The following FSTL4 variants were observed in gnomAD, a reference collection of about 807,000 sequenced individuals.
FSTL4 encodes follistatin-related protein 4.
A neutral mutation model predicts 78.2 loss-of-function variants in FSTL4; 28 were observed. The observed-to-expected ratio is 0.36, with a 90% CI of 0.27 to 0.49. The LOEUF is 0.49. Ranked by LOEUF, FSTL4 falls within the 20% of genes least tolerant of loss-of-function variation. FSTL4 has a pLI of 0.98. For synonymous variants in FSTL4, 422 were observed against 440.5 expected (o/e 0.96, Z 0.53); for missense variants, 922 against 1,084.9 (o/e 0.85, Z 2.11).
chr5:133,313,236 T>C (rs568423525), intron 5 of FSTL4, among the ~76,000 whole-genome samples: 7 of 152,306 alleles, frequency 4.6e-5, no homozygotes, highest in South Asian at 2.1e-4. Flanking sequence ...TGCTGCATCA[T>C]GCACCCACCC....
At chr5:133,460,978 A>G (rs1757580665) in intron 3 of FSTL4, among the ~76,000 whole-genome samples, 1 of 152,362 alleles carries the variant, frequency 6.6e-6, no homozygotes, top group East Asian at 1.9e-4. Flanking sequence ...AATTGTATGT[A>G]TAAAGTAGTT....
chr5:133,457,395 C>T (rs921711520), intron 3 of FSTL4, among the ~76,000 whole-genome samples: 1 of 152,230 alleles, frequency 6.6e-6, no homozygotes, highest in African/African-American at 2.4e-5. Flanking sequence ...CCTTCTGGAG[C>T]ACACAGGTGG....
intron 6 of FSTL4, among the ~76,000 whole-genome samples, chr5:133,310,371 T>G (rs1753751445): frequency 6.6e-6 from 1 of 152,274 alleles, no homozygotes; most frequent in Admixed American, 6.5e-5. Context: ...CACATTGCTC[T>G]GTATGAGACA....
chr5:133,289,559 T>A (rs1304823245), intron 6 of FSTL4, among the ~76,000 whole-genome samples: 2 of 152,216 alleles, frequency 1.3e-5, no homozygotes, highest in African/African-American at 2.4e-5. Context: ...AATGACTGCA[T>A]GTGTCTCCCT....
chr5:133,599,647 G>A (rs915700902), intron 2 of FSTL4, among the ~76,000 whole-genome samples: 6 of 152,148 alleles, frequency 3.9e-5, no homozygotes, highest in African/African-American at 1.4e-4. Flanking sequence ...CATGAAAGAC[G>A]TATAAGACCA....
At chr5:133,622,955 G>T in the FSTL4 span, among the ~76,000 whole-genome samples, 1 of 152,022 alleles carries the variant, frequency 6.6e-6, no homozygotes, top group African/African-American at 2.4e-5. Context: ...TGCTTTTGGT[G>T]TCAAGTCTAA....
the FSTL4 span, among the ~76,000 whole-genome samples, chr5:133,722,994 G>A: frequency 6.6e-6 from 1 of 152,188 alleles, no homozygotes; most frequent in African/African-American, 2.4e-5. Flanking sequence ...CCCACGGTTA[G>A]GAGTCATAAA....
intron 7 of FSTL4, among the ~76,000 whole-genome samples, chr5:133,240,382 A>G (rs1751813792): frequency 6.6e-6 from 1 of 152,252 alleles, no homozygotes. Context: ...AGTCTCTGCA[A>G]CTTGGAGCAA....
rs542788191 is a variant in FSTL4, at chr5:133,365,177, CTGT to C, written c.409+35558_409+35560del. ...CTTTTACGAGGAGTTTGAGTTTTGA[CTGT>C]TGTTGCTTGCAGTCAAAACTCAAAA... is the stretch of plus-strand genomic sequence containing the variant. On this transcript the variant is annotated intron_variant, in intron 4 of 15. Coordinates refer to ENST00000265342, the MANE Select transcript of FSTL4 (RefSeq NM_015082.2). Among the ~76,000 whole-genome samples the C allele has an allele frequency of 6.6e-4, 101 of 152,016 alleles. 2 individuals carry two copies. The South Asian group carries it at 0.012, about 18-fold the overall frequency.
intron 4 of FSTL4, among the ~76,000 whole-genome samples, chr5:133,319,800 A>C (rs952287706): frequency 2.0e-5 from 3 of 152,194 alleles, no homozygotes; most frequent in African/African-American, 7.2e-5. Flanking sequence ...CAGAATCTTA[A>C]ATCCTTCTTT....
rs1486382944 is a variant in FSTL4, at chr5:133,201,988, C to T, written c.1771G>A (p.Ala591Thr). ...GGAATGAAGAAATCATCCACTCCTG[C>T]AAAGGGTGTGCGGATGAGGTGCTGG... is the stretch of plus-strand genomic sequence containing the variant. ...QSQHLIRTPFAGVDDFFIPPT... is the reference protein window; with the variant it reads ...QSQHLIRTPFTGVDDFFIPPT... Residue 591 changes from alanine (A) to threonine (T), a missense_variant, in exon 15 of 16, where the codon GCA (alanine) becomes ACA (threonine). Coordinates refer to ENST00000265342, the MANE Select transcript of FSTL4 (RefSeq NM_015082.2). The T allele has an allele frequency of 6.2e-7, 1 of 1,612,390 alleles. No homozygotes were observed. The highest frequency in any genetic ancestry group is 8.5e-7 in the Non-Finnish European group (1 of 1,179,018).
At position 133,370,895 on chromosome 5, in the gene FSTL4, C is replaced by T. The variant is rs556319949; in HGVS notation, c.409+29843G>A. On this transcript the variant is annotated intron_variant, in intron 4 of 15. Transcript: ENST00000265342. ...ACAGGGAAAGGCAGGTTGGGGTCAT[C>T]GAGTGGGTGCTGGGGTGCTGAGTCA... Among the ~76,000 whole-genome samples, 4 of 152,258 alleles carry T rather than the reference C, an allele frequency of 2.6e-5. No homozygotes were observed. The South Asian group carries it at 8.3e-4, about 32-fold the overall frequency.
the FSTL4 span, among the ~76,000 whole-genome samples, chr5:133,741,458 A>G: frequency 6.6e-6 from 1 of 152,210 alleles, no homozygotes; most frequent in Admixed American, 6.5e-5. Flanking sequence ...CTCCCCATGC[A>G]AGAGTGCAGG....
the FSTL4 span, among the ~76,000 whole-genome samples, chr5:133,735,786 G>A: frequency 1.3e-5 from 2 of 152,134 alleles, no homozygotes; most frequent in Admixed American, 1.3e-4. Context: ...CCCTCCATTT[G>A]TATGGTCCTA....
chr5:133,784,813 T>C, the FSTL4 span, among the ~76,000 whole-genome samples: 23 of 152,280 alleles, frequency 1.5e-4, no homozygotes, highest in East Asian at 3.7e-3. Flanking sequence ...GATATTCATA[T>C]GGTCCTGTGT....
the FSTL4 span, among the ~76,000 whole-genome samples, chr5:133,625,029 T>A: frequency 2.0e-5 from 3 of 151,812 alleles, no homozygotes; most frequent in Non-Finnish European, 3.0e-5. Flanking sequence ...TCTGCTAATA[T>A]TTCCATTAAG....
chr5:133,391,988 A>G (rs1755861299), intron 4 of FSTL4, among the ~76,000 whole-genome samples: 1 of 152,192 alleles, frequency 6.6e-6, no homozygotes, highest in South Asian at 2.1e-4. Flanking sequence ...CACATCTCCA[A>G]ATAGTATCTG....
At chr5:133,813,887 T>C in the FSTL4 span, among the ~76,000 whole-genome samples, 7 of 152,346 alleles carry the variant, frequency 4.6e-5, no homozygotes, top group African/African-American at 7.2e-5. Context: ...TAATGAATCC[T>C]ATAAACCAGT....
intron 3 of FSTL4, among the ~76,000 whole-genome samples, chr5:133,424,033 A>T (rs1278146284): frequency 1.3e-5 from 2 of 152,198 alleles, no homozygotes; most frequent in Non-Finnish European, 2.9e-5. Flanking sequence ...CCCGCAGACC[A>T]GCAGGGCCGA....
Sources: gnomAD v4.1 joint callset for allele counts (sites outside exome capture counted in the v4.1 genomes callset) on GRCh38, gnomAD v4.1.1 for gene constraint, MANE v1.5 for transcripts, NCBI Gene and HGNC (gene_info 2026-07-23, HGNC 2026-07-21) for gene names.